TMEM117: variants seen among roughly 807,000 people sequenced by gnomAD.
TMEM117 encodes transmembrane protein 117.
TMEM117 carries 27 observed loss-of-function variants against 52.4 expected under a neutral mutation model. The ratio of observed to expected loss-of-function variants is 0.51; its 90% CI spans 0.38 to 0.71. The LOEUF (loss-of-function observed/expected upper bound fraction) is 0.71. TMEM117 is among the 30% of genes least tolerant of loss of function. The pLI is 0.00. For synonymous variants in TMEM117, 215 were observed against 206.3 expected, an observed-to-expected ratio of 1.04 and a Z score of -0.36; for missense variants, 556 against 630.5, an observed-to-expected ratio of 0.88 and a Z score of 1.26.
At chr12:44,373,271 C>T (rs576159919) in intron 6 of TMEM117, among the ~76,000 whole-genome samples, 2 of 152,346 alleles carry the variant, frequency 1.3e-5, no homozygotes, top group Admixed American at 6.5e-5. Context: ...CTTCTGTCTT[C>T]ATGAAACTAA....
chr12:44,054,529 A>C (rs997121166), intron 3 of TMEM117, among the ~76,000 whole-genome samples: 5 of 152,200 alleles, frequency 3.3e-5, no homozygotes, highest in African/African-American at 1.2e-4. Context: ...GGCACATTTC[A>C]AAACAGATGT....
intron 5 of TMEM117, among the ~76,000 whole-genome samples, chr12:44,251,431 A>G (rs1040000493): frequency 6.6e-6 from 1 of 152,120 alleles, no homozygotes; most frequent in African/African-American, 2.4e-5. Flanking sequence ...TGCTTTTTTT[A>G]TATTGATGAA....
chr12:44,010,105 G>C, intron 3 of TMEM117: 1 of 483,868 alleles, frequency 2.1e-6, no homozygotes, highest in Non-Finnish European at 4.2e-6. Context: ...CCATCTGGGG[G>C]TTCAAGTATG....
At chr12:43,811,200 T>C in the TMEM117 span, among the ~76,000 whole-genome samples, 4 of 152,248 alleles carry the variant, frequency 2.6e-5, no homozygotes, top group South Asian at 4.2e-4. Context: ...ATATGAAAAA[T>C]TGTTGGGTGA....
At chr12:44,018,681 TA>T (rs1209950432) in intron 3 of TMEM117, among the ~76,000 whole-genome samples, 3 of 152,122 alleles carry the variant, frequency 2.0e-5, no homozygotes, top group Non-Finnish European at 4.4e-5. Flanking sequence ...GTACTCTTGA[TA>T]ATTAACTCTA....
intron 5 of TMEM117, among the ~76,000 whole-genome samples, chr12:44,294,224 A>T (rs990842528): frequency 6.6e-6 from 1 of 152,224 alleles, no homozygotes; most frequent in South Asian, 2.1e-4. Flanking sequence ...TTGCTGCTTT[A>T]AAGTTTCCCT....
upstream of TMEM117, among the ~76,000 whole-genome samples, chr12:43,833,109 G>A (rs1269890028): frequency 6.6e-6 from 1 of 152,000 alleles, no homozygotes; most frequent in Non-Finnish European, 1.5e-5. Context: ...CCTTGAAGTG[G>A]TCCTAGAGAA....
chr12:44,090,857 T>G (rs546870283), intron 3 of TMEM117, among the ~76,000 whole-genome samples: 21 of 146,674 alleles, frequency 1.4e-4, no homozygotes, highest in Admixed American at 6.0e-4. Flanking sequence ...TTGTTTTTTT[T>G]TTTTTTTTGC....
At chr12:43,953,800 G>A (rs1325642492) in intron 3 of TMEM117, among the ~76,000 whole-genome samples, 1 of 152,118 alleles carries the variant, frequency 6.6e-6, no homozygotes, top group Admixed American at 6.5e-5. Context: ...AGACCAGGTG[G>A]ACCTGATAGA....
chr12:43,951,047 G>T (rs1483063414), intron 3 of TMEM117, among the ~76,000 whole-genome samples: 1 of 152,186 alleles, frequency 6.6e-6, no homozygotes, highest in Non-Finnish European at 1.5e-5. Flanking sequence ...AGTGCATGGA[G>T]CCCAGAGGAG....
intron 4 of TMEM117, among the ~76,000 whole-genome samples, chr12:44,177,709 A>G (rs1156608051): frequency 6.6e-6 from 1 of 152,202 alleles, no homozygotes; most frequent in African/African-American, 2.4e-5. Context: ...ATTTAGCTAT[A>G]AATCATCCAT....
intron 3 of TMEM117, among the ~76,000 whole-genome samples, chr12:44,106,561 A>G (rs1947957285): frequency 6.6e-6 from 1 of 152,042 alleles, no homozygotes. Flanking sequence ...TTTGAGATCT[A>G]TTGCACAGCA....
At chr12:43,797,650 T>C in the TMEM117 span, 5 of 1,573,724 alleles carry the variant, frequency 3.2e-6, no homozygotes, top group South Asian at 4.7e-5. Flanking sequence ...ATAAACCCTA[T>C]ATGAGTCATA....
chr12:43,891,858 T>C (rs1226218248), intron 2 of TMEM117, among the ~76,000 whole-genome samples: 1 of 152,184 alleles, frequency 6.6e-6, no homozygotes, highest in African/African-American at 2.4e-5. Context: ...TAACCTCTTG[T>C]GATCCAATGT....
At chr12:44,092,015 A>T (rs1225596610) in intron 3 of TMEM117, among the ~76,000 whole-genome samples, 1 of 152,036 alleles carries the variant, frequency 6.6e-6, no homozygotes, top group African/African-American at 2.4e-5. Context: ...ATGAGGGGGG[A>T]AAAAAGTATA....
chr12:43,809,483 CAT>C, the TMEM117 span, among the ~76,000 whole-genome samples: 2 of 152,294 alleles, frequency 1.3e-5, no homozygotes, highest in East Asian at 1.9e-4. Flanking sequence ...GAAGCTCTAA[CAT>C]GTATGAATGC....
At chr12:44,115,081 A>T (rs1184627503) in intron 3 of TMEM117, among the ~76,000 whole-genome samples, 4 of 152,236 alleles carry the variant, frequency 2.6e-5, no homozygotes, top group African/African-American at 9.6e-5. Flanking sequence ...TATGTAGCAT[A>T]TGCGTCATCT....
chr12:44,076,874 C>T (rs566983445), intron 3 of TMEM117, among the ~76,000 whole-genome samples: 1 of 152,252 alleles, frequency 6.6e-6, no homozygotes, highest in East Asian at 1.9e-4. Context: ...TTTCCAGGAG[C>T]AGTAGTAGAC....
At chr12:44,196,983 A>C (rs1389947053) in intron 4 of TMEM117, among the ~76,000 whole-genome samples, 1 of 152,210 alleles carries the variant, frequency 6.6e-6, no homozygotes, top group African/African-American at 2.4e-5. Context: ...ATTAGCCTAC[A>C]GATTTGGGTT....
Sources: gnomAD v4.1 joint callset for allele counts (sites outside exome capture counted in the v4.1 genomes callset) on GRCh38, gnomAD v4.1.1 for gene constraint, MANE v1.5 for transcripts, NCBI Gene and HGNC (gene_info 2026-07-23, HGNC 2026-07-21) for gene names.